Variants in IRAK1BP1 observed in about 807,000 individuals in gnomAD.
IRAK1BP1 encodes interleukin-1 receptor-associated kinase 1-binding protein 1.
A neutral mutation model predicts 28.0 loss-of-function variants in IRAK1BP1; 24 were observed. That is an observed-to-expected ratio of 0.86 (90% confidence interval 0.62 to 1.20). The LOEUF is 1.20. Among genes scored for constraint, IRAK1BP1 ranks in the 50% most tolerant of loss-of-function variants. The pLI is 0.00. For synonymous variants in IRAK1BP1, 131 were observed against 116.3 expected, an observed-to-expected ratio of 1.13 and a Z score of -0.81; for missense variants, 336 against 316.7, an observed-to-expected ratio of 1.06 and a Z score of -0.46.
intron 2 of IRAK1BP1, among the ~76,000 whole-genome samples, chr6:78,889,592 C>T (rs1414859893): frequency 2.0e-5 from 3 of 151,066 alleles, no homozygotes; most frequent in Non-Finnish European, 4.4e-5. Context: ...AAAAAATCCC[C>T]ATCAAAAAGT....
chr6:78,924,573 C>G lies in IRAK1BP1; in HGVS notation c.*68-20835C>G, dbSNP rs148555488. On this transcript the variant is annotated intron_variant and NMD_transcript_variant, in intron 4 of 4. Transcript: ENST00000606868. ...TCCTCCCTAACTCATTTTATGAGGC[C>G]AGCATCATCCTGATACCAAAGCCTG... Among the ~76,000 whole-genome samples, 894 of 152,200 alleles carry G rather than the reference C, an allele frequency of 5.9e-3. 4 individuals are homozygous for G. The highest frequency in any genetic ancestry group is 0.02 in the African/African-American group (825 of 41,544).
chr6:78,941,350 C>T (rs759428136), intron 4 of IRAK1BP1: 2 of 1,578,338 alleles, frequency 1.3e-6, no homozygotes, highest in Non-Finnish European at 1.7e-6. Context: ...AACAACAGTA[C>T]ACTTAATATA....
At chr6:78,908,145 G>A (rs1344987715) in intron 4 of IRAK1BP1, among the ~76,000 whole-genome samples, 1 of 150,944 alleles carries the variant, frequency 6.6e-6, no homozygotes, top group African/African-American at 2.4e-5. Context: ...CTGCCTCCCG[G>A]GTTCAAGCAA....
the IRAK1BP1 span, chr6:78,956,089 G>C: frequency 6.6e-6 from 1 of 152,666 alleles, no homozygotes; most frequent in Non-Finnish European, 1.5e-5. Context: ...TGGTTTATCT[G>C]TGTAAATGAA....
At chr6:78,885,354 A>G (rs1435730248) in intron 1 of IRAK1BP1, 24 bp from the exon 2 acceptor site, 2 of 1,377,520 alleles carry the variant, frequency 1.5e-6, no homozygotes, top group East Asian at 2.3e-5. Flanking sequence ...TAGTAATCAT[A>G]CTCTTGGACT....
chr6:78,958,440 A>C, the IRAK1BP1 span: 1 of 1,237,788 alleles, frequency 8.1e-7, no homozygotes, highest in Non-Finnish European at 1.2e-6. Context: ...TTAATTATTA[A>C]AACTATCATA....
In IRAK1BP1 at chr6:78,898,289, A is replaced by T; in HGVS notation, c.738A>T (p.Ile246=). ...TACATGCTGCTTCAAAAGTATTTATAACTTTTGAGGTAAAGGGAAAAGAGA... is the reference window on the plus strand; with the variant it reads ...TACATGCTGCTTCAAAAGTATTTATTACTTTTGAGGTAAAGGGAAAAGAGA... ...ATIHAASKVF[I]TFEVKGKEKR... is the part of the protein sequence containing the mutation. The change falls in exon 4 of 4, where the codon ATA becomes ATT. Residue 246 remains isoleucine (I), a synonymous_variant. Transcript: ENST00000369940. 6.2e-7 allele frequency: 1 copy of T among 1,606,218 alleles called. No individual in the cohort carries two copies. The highest frequency in any genetic ancestry group is 2.2e-5 in the East Asian group (1 of 44,788).
intron 2 of IRAK1BP1, among the ~76,000 whole-genome samples, chr6:78,888,617 A>G (rs771352420): frequency 3.0e-4 from 46 of 151,246 alleles, no homozygotes; most frequent in Middle Eastern, 3.4e-3. Flanking sequence ...TCCCAGGTTC[A>G]AGTGATTCTC....
chr6:78,964,791 T>C, the IRAK1BP1 span, among the ~76,000 whole-genome samples: 1 of 152,160 alleles, frequency 6.6e-6, no homozygotes, highest in South Asian at 2.1e-4. Flanking sequence ...ACTCCTGCCC[T>C]GTAATATATT....
At position 78,867,648 on chromosome 6, in the gene IRAK1BP1, G is replaced by A. The variant is rs1467655410; in HGVS notation, c.72G>A (p.Glu24=). Residue 24 remains glutamate (E), a synonymous_variant, in exon 1 of 4, where the codon GAG becomes GAA. Transcript: ENST00000369940. ...TTCCCTGGGCTGACCGGAGCCGGGA[G>A]AACAACCTGGCCTCAGGGAGAGAGA... is the stretch of plus-strand genomic sequence containing the variant. ...ELVPWADRSR[E]NNLASGRETL... is the part of the protein sequence containing the mutation. 1 of 1,614,252 alleles carries A rather than the reference G, an allele frequency of 6.2e-7. No individual in the cohort carries two copies. Among genetic ancestry groups the A allele is most frequent in the Admixed American group, 1.7e-5 (1 of 60,036 alleles).
chr6:78,969,282 C>T, the IRAK1BP1 span, among the ~76,000 whole-genome samples: 3,223 of 152,220 alleles, frequency 0.021, 118 homozygotes, highest in African/African-American at 0.073. Flanking sequence ...CCATACATAC[C>T]GTGTACACAT....
At chr6:78,969,175 C>A in the IRAK1BP1 span, among the ~76,000 whole-genome samples, 8 of 152,280 alleles carry the variant, frequency 5.3e-5, no homozygotes, top group South Asian at 1.5e-3. Flanking sequence ...CCTTACAGAG[C>A]ACATACAAGT....
the IRAK1BP1 span, chr6:78,958,462 A>G: frequency 7.0e-7 from 1 of 1,418,574 alleles, no homozygotes; most frequent in South Asian, 1.2e-5. Context: ...TTACATATGA[A>G]AAGATAACTT....
At chr6:78,979,339 C>T in the IRAK1BP1 span, among the ~76,000 whole-genome samples, 9 of 152,074 alleles carry the variant, frequency 5.9e-5, no homozygotes, top group Non-Finnish European at 1.2e-4. Context: ...CCACAAACCC[C>T]AAAGTACAAG....
At chr6:78,877,852 C>G (rs780046982) in intron 1 of IRAK1BP1, among the ~76,000 whole-genome samples, 1 of 152,154 alleles carries the variant, frequency 6.6e-6, no homozygotes, top group African/African-American at 2.4e-5. Context: ...TATCCCGCAC[C>G]TGGCTCAGAG....
the IRAK1BP1 span, among the ~76,000 whole-genome samples, chr6:78,971,121 T>C: frequency 6.6e-6 from 1 of 152,204 alleles, no homozygotes; most frequent in Non-Finnish European, 1.5e-5. Flanking sequence ...TGAAAAGTTA[T>C]TTTCTGGTTT....
In IRAK1BP1 at chr6:78,937,786, G is replaced by C. The variant is rs539506801; in HGVS notation, c.*68-7622G>C. 3 of 151,868 alleles carry C rather than the reference G, an allele frequency of 2.0e-5. No homozygotes were observed. The South Asian group carries it at 6.2e-4, about 31-fold the overall frequency. The allele number at this position is 151,868 out of a possible 1,614,324, so 9.4% of individuals were successfully genotyped here. A position where few individuals can be genotyped will look rare whatever the true frequency, so the allele number is the denominator to read the frequency against. ...ATGTATCTATTGCCCAGGGCTGTGA[G>C]TCTCTGATTAGACTAAATATTTAAA... On this transcript the variant is annotated intron_variant and NMD_transcript_variant, in intron 4 of 4. Transcript: ENST00000606868.
At chr6:78,977,842 A>G in the IRAK1BP1 span, among the ~76,000 whole-genome samples, 1 of 152,196 alleles carries the variant, frequency 6.6e-6, no homozygotes, top group Non-Finnish European at 1.5e-5. Context: ...GAATCACTCT[A>G]GCATTAAAAA....
intron 4 of IRAK1BP1, among the ~76,000 whole-genome samples, chr6:78,931,317 C>T (rs749318358): frequency 6.6e-6 from 1 of 151,990 alleles, no homozygotes; most frequent in Admixed American, 6.6e-5. Context: ...GAGGCTAAGG[C>T]AGGAGGATTG....
Sources: allele counts gnomAD v4.1 joint callset (sites outside exome capture counted in the v4.1 genomes callset), GRCh38; gene constraint gnomAD v4.1.1; transcripts MANE v1.5; gene names NCBI Gene and HGNC (gene_info 2026-07-23, HGNC 2026-07-21).